The following DPP10 variants were observed in gnomAD, a reference collection of about 807,000 sequenced individuals.
DPP10 encodes the protein dipeptidyl peptidase like 10.
Under a neutral mutation model 120.9 loss-of-function variants are expected in DPP10, and 33 were observed. That is an observed-to-expected ratio of 0.27 (90% CI 0.21 to 0.37). The LOEUF (loss-of-function observed/expected upper bound fraction) is 0.37. Among genes scored for constraint, DPP10 ranks in the 10% least tolerant of loss-of-function variants. The pLI, the probability that DPP10 is intolerant of heterozygous loss-of-function variation, is 1.00. For missense variants in DPP10, 816 were observed against 942.8 expected, an observed-to-expected ratio of 0.87 and a Z score of 1.76; for synonymous variants, 337 against 326.1, an observed-to-expected ratio of 1.03 and a Z score of -0.36.
intron 3 of DPP10, among the ~76,000 whole-genome samples, chr2:115,440,484 T>C (rs1023554662): frequency 5.3e-5 from 8 of 152,198 alleles, no homozygotes; most frequent in African/African-American, 1.9e-4. Flanking sequence ...ATTTCTTATC[T>C]TGTTGTACCC....
At chr2:115,475,684 T>C (rs6732466) in intron 3 of DPP10, among the ~76,000 whole-genome samples, 76,904 of 152,040 alleles carry the variant, frequency 0.51, 22,492 homozygotes, top group Non-Finnish European at 0.67. Context: ...ATGAGAACAG[T>C]TGTGGGGGCT....
chr2:115,583,445 G>T (rs2082112797), intron 5 of DPP10, among the ~76,000 whole-genome samples: 1 of 152,152 alleles, frequency 6.6e-6, no homozygotes, highest in African/African-American at 2.4e-5. Flanking sequence ...AAGGCCTCTT[G>T]GTGCCTTGGA....
rs567480868 is a variant in DPP10 at position 115,417,492 on chromosome 2, T to C, written c.271+73580T>C. ...TGTTATAATAACAACATAGTTATCA[T>C]AGTAAACTATTTTATACCAAAGCAG... is the stretch of plus-strand genomic sequence containing the variant. On this transcript the variant is annotated intron_variant, in intron 3 of 25. Transcript: ENST00000410059. 2.0e-5 allele frequency among the ~76,000 whole-genome samples: 3 copies of C among 152,328 alleles called. No homozygotes were observed. In the East Asian group the frequency reaches 5.8e-4, roughly 29 times the overall value.
chr2:115,239,092 C>G (rs992786067), intron 1 of DPP10, among the ~76,000 whole-genome samples: 6 of 151,142 alleles, frequency 4.0e-5, no homozygotes, highest in Non-Finnish European at 8.9e-5. Flanking sequence ...TTAGATGGTG[C>G]CCCCCCCAGA....
intron 7 of DPP10, among the ~76,000 whole-genome samples, chr2:115,718,817 G>T (rs2092571137): frequency 6.6e-6 from 1 of 152,164 alleles, no homozygotes; most frequent in South Asian, 2.1e-4. Flanking sequence ...AGGAAAATAA[G>T]GCATGACAAT....
chr2:114,882,204 C>T (rs1273172900), intron 1 of DPP10, among the ~76,000 whole-genome samples: 1 of 152,012 alleles, frequency 6.6e-6, no homozygotes, highest in Non-Finnish European at 1.5e-5. Context: ...AAAAGACACA[C>T]ACATATGCTT....
intron 5 of DPP10, among the ~76,000 whole-genome samples, chr2:115,620,690 G>A (rs1550988): frequency 2.6e-5 from 4 of 152,214 alleles, no homozygotes; most frequent in African/African-American, 9.6e-5. Context: ...TAGTAATATC[G>A]TCTTTTACCA....
At chr2:114,631,705 A>G (rs549065467) in intron 1 of DPP10, among the ~76,000 whole-genome samples, 150 of 152,306 alleles carry the variant, frequency 9.8e-4, no homozygotes, top group Middle Eastern at 6.8e-3. Flanking sequence ...TCTAAAATGT[A>G]CCATGCACCT....
intron 1 of DPP10, among the ~76,000 whole-genome samples, chr2:115,257,906 AG>A (rs1484568310): frequency 6.6e-6 from 1 of 152,178 alleles, no homozygotes; most frequent in Admixed American, 6.5e-5. Context: ...GAGTCCTAGA[AG>A]GGGTTTTTTT....
At chr2:114,805,314 G>C (rs1489305080) in intron 1 of DPP10, among the ~76,000 whole-genome samples, 1 of 152,134 alleles carries the variant, frequency 6.6e-6, no homozygotes, top group African/African-American at 2.4e-5. Flanking sequence ...CAAGAGCATT[G>C]CTTCTCAAGT....
rs573203857 is a variant in DPP10 at position 114,962,452 on chromosome 2, T to G, written c.61-346787T>G. On this transcript the variant is annotated intron_variant, in intron 1 of 25. Coordinates refer to ENST00000410059, the MANE Select transcript of DPP10 (RefSeq NM_020868.6). ...CATGGGGTTGTACATGTGATATCTT[T>G]AGTTCAACCACCTAGGAGGAAAAAG... Among the ~76,000 whole-genome samples the G allele has an allele frequency of 2.0e-5, 3 of 152,302 alleles. No homozygotes were observed. The East Asian group carries it at 5.8e-4, about 29-fold the overall frequency.
chr2:115,343,772 A>G, intron 2 of DPP10, 45 bp from the exon 3 acceptor site: 1 of 1,392,576 alleles, frequency 7.2e-7, no homozygotes, highest in Non-Finnish European at 9.9e-7. Context: ...CTTTTAAAAA[A>G]CAAGCATAAG....
chr2:115,477,807 T>G (rs1305820391), intron 3 of DPP10, among the ~76,000 whole-genome samples: 1 of 152,146 alleles, frequency 6.6e-6, no homozygotes, highest in Non-Finnish European at 1.5e-5. Context: ...CCTTTTTTTG[T>G]GTGTTGCTAT....
chr2:114,772,332 G>T (rs1295257288), intron 1 of DPP10, among the ~76,000 whole-genome samples: 1 of 151,822 alleles, frequency 6.6e-6, no homozygotes, highest in East Asian at 1.9e-4. Flanking sequence ...TAATTGTTTT[G>T]CATTTTTAGT....
intron 1 of DPP10, among the ~76,000 whole-genome samples, chr2:115,150,586 A>C (rs2104894818): frequency 6.6e-6 from 1 of 152,348 alleles, no homozygotes. Context: ...ACATTGGTAG[A>C]TAATATAGCT....
chr2:115,173,143 G>A (rs1458383483), intron 1 of DPP10, among the ~76,000 whole-genome samples: 1 of 151,992 alleles, frequency 6.6e-6, no homozygotes, highest in South Asian at 2.1e-4. Context: ...TGCTTATAAT[G>A]TATTCTGCAT....
chr2:115,402,766 TAAACAATGCTTCC>T (rs1209801042), intron 3 of DPP10, among the ~76,000 whole-genome samples: 2 of 146,504 alleles, frequency 1.4e-5, no homozygotes, highest in African/African-American at 5.0e-5. Flanking sequence ...AACTGAAGTA[TAAACAATGCTTCC>T]AAACTCATTT....
chr2:115,810,162 G>T (rs1472185448), intron 19 of DPP10, among the ~76,000 whole-genome samples: 2 of 128,688 alleles, frequency 1.6e-5, no homozygotes, highest in African/African-American at 2.9e-5. Context: ...ACTCCATCTC[G>T]AAAAAAAAAA....
At chr2:115,796,859 T>C (rs1351167131) in intron 19 of DPP10, among the ~76,000 whole-genome samples, 1 of 152,050 alleles carries the variant, frequency 6.6e-6, no homozygotes, top group African/African-American at 2.4e-5. Flanking sequence ...CTAAAATAGG[T>C]CATGTATGTG....
Sources: gnomAD v4.1 joint callset for allele counts (sites outside exome capture counted in the v4.1 genomes callset) on GRCh38, gnomAD v4.1.1 for gene constraint, MANE v1.5 for transcripts, NCBI Gene and HGNC (gene_info 2026-07-23, HGNC 2026-07-21) for gene names.